Variants in EPHA6 observed in about 807,000 individuals in gnomAD.
EPHA6 encodes the protein ephrin type-A receptor 6.
Under a neutral mutation model 112.0 loss-of-function variants are expected in EPHA6, and 50 were observed. The observed-to-expected ratio is 0.45, with a 90% CI of 0.36 to 0.56. The LOEUF (loss-of-function observed/expected upper bound fraction) is 0.56. Among genes scored for constraint, EPHA6 ranks in the 20% least tolerant of loss-of-function variants. EPHA6 has a pLI of 0.00. For missense variants in EPHA6, 1,280 were observed against 1,417.4 expected (o/e 0.90, Z 1.56); for synonymous variants, 529 against 490.7 (o/e 1.08, Z -1.03).
Position 97,346,884 on chromosome 3 carries a change from G to A in EPHA6, c.1607-58266G>A, listed in dbSNP as rs926216280. Among the ~76,000 whole-genome samples the A allele has an allele frequency of 1.4e-4, 22 of 152,126 alleles. 1 individual carries two copies. Among genetic ancestry groups the A allele is most frequent in the Admixed American group, 1.1e-3 (17 of 15,250 alleles). ...ATTTTTCTGAGAAGCTTTTATTCCT[G>A]CCTTATATCTTCTCTTGTGCCTTTA... On this transcript the variant is annotated intron_variant, in intron 5 of 17. Transcript: ENST00000389672.
chr3:97,390,378 G>A (rs1377108062), intron 5 of EPHA6, among the ~76,000 whole-genome samples: 3 of 151,686 alleles, frequency 2.0e-5, no homozygotes, highest in East Asian at 1.9e-4. Flanking sequence ...GTATGAGCAC[G>A]TTCTCCCTTT....
At chr3:97,623,669 C>G (rs1298803848) in intron 13 of EPHA6, among the ~76,000 whole-genome samples, 1 of 151,536 alleles carries the variant, frequency 6.6e-6, no homozygotes, top group Non-Finnish European at 1.5e-5. Context: ...CCCTCTTTTA[C>G]AATAGCATTA....
chr3:97,542,142 G>C (rs968463678), intron 11 of EPHA6, among the ~76,000 whole-genome samples: 1 of 150,786 alleles, frequency 6.6e-6, no homozygotes, highest in Non-Finnish European at 1.5e-5. Context: ...TGCACAATGT[G>C]CACCTTTGTT....
At chr3:97,086,493 T>C (rs1445281381) in intron 3 of EPHA6, among the ~76,000 whole-genome samples, 4 of 152,080 alleles carry the variant, frequency 2.6e-5, no homozygotes, top group Non-Finnish European at 5.9e-5. Context: ...TTTAATAAGT[T>C]TTACAATATT....
chr3:97,098,850 G>C (rs2047322205), intron 3 of EPHA6, among the ~76,000 whole-genome samples: 1 of 151,806 alleles, frequency 6.6e-6, no homozygotes, highest in Non-Finnish European at 1.5e-5. Flanking sequence ...TTGATGGTTG[G>C]TAACAAATTG....
chr3:97,381,979 T>C (rs2109022912), intron 5 of EPHA6, among the ~76,000 whole-genome samples: 1 of 152,256 alleles, frequency 6.6e-6, no homozygotes, highest in South Asian at 2.1e-4. Context: ...TCTTATTTTC[T>C]GTAGTCTCTC....
At chr3:97,648,397 T>C in intron 14 of EPHA6, 30 of 1,534,014 alleles carry the variant, frequency 2.0e-5, no homozygotes, top group Non-Finnish European at 2.6e-5. Context: ...TGGAGATAAT[T>C]ATAAAAAATA....
chr3:97,252,973 C>T (rs1363913301), intron 5 of EPHA6, among the ~76,000 whole-genome samples: 3 of 152,022 alleles, frequency 2.0e-5, no homozygotes, highest in African/African-American at 7.2e-5. Context: ...TTCTGACACA[C>T]TAAATATTGA....
chr3:96,905,822 T>C (rs1440219720), intron 2 of EPHA6, among the ~76,000 whole-genome samples: 1 of 152,106 alleles, frequency 6.6e-6, no homozygotes, highest in Non-Finnish European at 1.5e-5. Context: ...ACTTGTTGGC[T>C]ATAAGAATAA....
intron 3 of EPHA6, among the ~76,000 whole-genome samples, chr3:96,996,805 G>A (rs1375041841): frequency 6.6e-6 from 1 of 151,970 alleles, no homozygotes; most frequent in Non-Finnish European, 1.5e-5. Flanking sequence ...AATGTAAATG[G>A]GCATTGACTT....
chr3:97,068,819 A>G (rs1211768936), intron 3 of EPHA6, among the ~76,000 whole-genome samples: 1 of 152,128 alleles, frequency 6.6e-6, no homozygotes, highest in African/African-American at 2.4e-5. Context: ...GTCTGTGGAC[A>G]TAAGGAGAGA....
At chr3:96,888,056 A>C (rs1038927069) in intron 2 of EPHA6, among the ~76,000 whole-genome samples, 2 of 151,682 alleles carry the variant, frequency 1.3e-5, no homozygotes, top group African/African-American at 4.8e-5. Flanking sequence ...CTCTTCCCCC[A>C]CCTGTGGAGT....
chr3:97,021,713 C>T (rs999421813), intron 3 of EPHA6, among the ~76,000 whole-genome samples: 1 of 152,190 alleles, frequency 6.6e-6, no homozygotes, highest in Non-Finnish European at 1.5e-5. Context: ...GGACAACAAT[C>T]CTATTGGTTT....
chr3:97,083,863 G>C (rs560018488), intron 3 of EPHA6, among the ~76,000 whole-genome samples: 1 of 151,464 alleles, frequency 6.6e-6, no homozygotes, highest in Non-Finnish European at 1.5e-5. Flanking sequence ...ATGGGTAAAT[G>C]AGGTTGTTGT....
chr3:97,592,771 A>G (rs750404264), intron 12 of EPHA6, 34 bp downstream of exon 12: 2 of 1,550,496 alleles, frequency 1.3e-6, no homozygotes, highest in Non-Finnish European at 1.7e-6. Context: ...CTGCCACCAT[A>G]TACAGCAGTA....
chr3:97,220,276 C>A (rs2078153472), intron 3 of EPHA6, among the ~76,000 whole-genome samples: 1 of 152,212 alleles, frequency 6.6e-6, no homozygotes, highest in African/African-American at 2.4e-5. Flanking sequence ...TTTCCCACAT[C>A]TTCCTGTCTT....
At chr3:97,185,620 G>T (rs1019529628) in intron 3 of EPHA6, among the ~76,000 whole-genome samples, 2 of 152,168 alleles carry the variant, frequency 1.3e-5, no homozygotes, top group South Asian at 2.1e-4. Context: ...TGGTGGGAAT[G>T]TAAACTAGCT....
At position 97,489,394 on chromosome 3, in the gene EPHA6, A is replaced by G. The variant is rs1006190714; in HGVS notation, c.2200+5335A>G. 3.9e-5 allele frequency among the ~76,000 whole-genome samples: 6 copies of G among 152,232 alleles called. No individual in the cohort carries two copies. In the East Asian group the frequency reaches 1.2e-3, roughly 29 times the overall value. ...ACAAACTCTTTTTCTTTTTAATTAA[A>G]GAAACTCAAGGCAGGGCACGGTGAC... is the stretch of plus-strand genomic sequence containing the variant. On this transcript the variant is annotated intron_variant, in intron 10 of 17. Coordinates refer to ENST00000389672, the MANE Select transcript of EPHA6 (RefSeq NM_001080448.3).
chr3:97,632,755 C>T (rs2093914199), intron 13 of EPHA6, among the ~76,000 whole-genome samples: 1 of 151,990 alleles, frequency 6.6e-6, no homozygotes, highest in Non-Finnish European at 1.5e-5. Flanking sequence ...ATAAATAAAG[C>T]AGAATAAGGG....
Sources: allele counts gnomAD v4.1 joint callset (sites outside exome capture counted in the v4.1 genomes callset), GRCh38; gene constraint gnomAD v4.1.1; transcripts MANE v1.5; gene names NCBI Gene and HGNC (gene_info 2026-07-23, HGNC 2026-07-21).